KIAA0513: variants seen among roughly 807,000 people sequenced by gnomAD.
KIAA0513 encodes uncharacterized protein KIAA0513.
A neutral mutation model predicts 56.5 loss-of-function variants in KIAA0513; 39 were observed. The observed-to-expected ratio is 0.69, with a 90% CI of 0.53 to 0.90. The LOEUF is 0.90. Ranked by LOEUF, KIAA0513 falls within the 40% of genes least tolerant of loss-of-function variation. KIAA0513 has a pLI of 0.00. For missense variants in KIAA0513, 591 were observed against 535.2 expected, an observed-to-expected ratio of 1.10 and a Z score of -1.03; for synonymous variants, 268 against 215.6, an observed-to-expected ratio of 1.24 and a Z score of -2.13.
At chr16:85,054,421 C>CTTTTTTTTTTTTTTTTTTGTTTTT (rs2073299172) in intron 1 of KIAA0513, among the ~76,000 whole-genome samples, 1 of 119,552 alleles carries the variant, frequency 8.4e-6, no homozygotes, top group Non-Finnish European at 1.7e-5. Flanking sequence ...TTTTTCTTTT[C>CTTTTTTTTTTTTTTTTTTGTTTTT]TTTTTTTTTT....
At position 85,090,745 on chromosome 16, in the gene KIAA0513, G is replaced by C. The variant is rs2144124453; in HGVS notation, c.*2420G>C. 1 of 152,456 alleles carries C rather than the reference G, an allele frequency of 6.6e-6. No individual in the cohort carries two copies. Among genetic ancestry groups the C allele is most frequent in the Admixed American group, 6.5e-5 (1 of 15,312 alleles). 9.4% of individuals were successfully genotyped at this position (152,456 alleles called of 1,614,324 possible). A position where few individuals can be genotyped will look rare whatever the true frequency, so the allele number is the denominator to read the frequency against. On this transcript the variant is annotated 3_prime_UTR_variant, in exon 13 of 13. Transcript: ENST00000683363. Reference sequence around the variant, plus strand: ...GGATGCCGGAGAGACAGCCCCTTGTGCTGTGAGCAGAGCAGGCAGTGGCTC... The same window carrying C: ...GGATGCCGGAGAGACAGCCCCTTGTCCTGTGAGCAGAGCAGGCAGTGGCTC...
intron 1 of KIAA0513, among the ~76,000 whole-genome samples, chr16:85,028,823 A>G (rs1444093659): frequency 6.6e-6 from 1 of 152,142 alleles, no homozygotes; most frequent in Non-Finnish European, 1.5e-5. Flanking sequence ...GGCGCCCCTG[A>G]CGTGGAAGTA....
intron 1 of KIAA0513, among the ~76,000 whole-genome samples, chr16:85,038,400 T>C (rs1597590418): frequency 6.6e-6 from 1 of 152,184 alleles, no homozygotes; most frequent in East Asian, 1.9e-4. Flanking sequence ...TAAGGGTATC[T>C]AGCAGTATAA....
At chr16:85,048,597 AGCT>A (rs1427719211) in intron 1 of KIAA0513, among the ~76,000 whole-genome samples, 1 of 152,088 alleles carries the variant, frequency 6.6e-6, no homozygotes, top group East Asian at 1.9e-4. Flanking sequence ...GACTTTCTGA[AGCT>A]GGATGTGGTG....
intron 10 of KIAA0513, among the ~76,000 whole-genome samples, chr16:85,086,077 A>G (rs1277379265): frequency 1.4e-5 from 2 of 142,552 alleles, no homozygotes; most frequent in Non-Finnish European, 3.1e-5. Flanking sequence ...CTCTGCAGAC[A>G]GGGGACAGTG....
rs374910732 is a variant in KIAA0513, at chr16:85,077,377, G to A, written c.575-48G>A. ...CTCTGGGCCTCTGCAGTTAGCAGGC[G>A]CATACCCCAGCCTCACTGGCCTCGT... On this transcript the variant is annotated intron_variant, in intron 5 of 12. Transcript: ENST00000683363. 24 of 1,568,112 alleles carry A rather than the reference G, an allele frequency of 1.5e-5. No homozygotes were observed. The African/African-American group carries it at 2.0e-4, about 13-fold the overall frequency.
rs569175042 is a variant in KIAA0513, at chr16:85,051,658, C to G, written c.-172-15242C>G. Among the ~76,000 whole-genome samples the G allele has an allele frequency of 3.3e-4, 51 of 152,304 alleles. No homozygotes were observed. The South Asian group carries it at 0.01, about 30-fold the overall frequency. ...CGACTCTTACACATTTAAAGACCAC[C>G]ATCTTGTCTCCCATGTTACTTACCC... On this transcript the variant is annotated intron_variant, in intron 1 of 12. Coordinates refer to ENST00000683363, the MANE Select transcript of KIAA0513 (RefSeq NM_001388359.1).
Position 85,081,252 on chromosome 16 carries a change from C to T in KIAA0513, c.903-63C>T, listed in dbSNP as rs112559810. 1.8e-3 allele frequency: 2,675 copies of T among 1,460,100 alleles called. 41 individuals are homozygous for T. In the African/African-American group the frequency reaches 0.033, roughly 18 times the overall value. 90.4% of individuals were successfully genotyped at this position (1,460,100 alleles called of 1,614,324 possible). A position where few individuals can be genotyped will look rare whatever the true frequency, so the allele number is the denominator to read the frequency against. On this transcript the variant is annotated intron_variant, in intron 8 of 12. Coordinates refer to ENST00000683363, the MANE Select transcript of KIAA0513 (RefSeq NM_001388359.1). This position sits in a 1 kb window ranked among gnomAD's most constrained non-coding sequence, Gnocchi z 4.4. ...CTGCCCTTGTTTATCCCTCAAGGGG[C>T]CCACAACCCGTGTCCTCCCCGCCTC...
chr16:85,030,222 G>A (rs541124097), intron 1 of KIAA0513, among the ~76,000 whole-genome samples: 2 of 152,248 alleles, frequency 1.3e-5, no homozygotes, highest in East Asian at 1.9e-4. Context: ...TGCAAAGAGC[G>A]TCTTTTGCTT....
Position 85,067,355 on chromosome 16 carries a change from T to C in KIAA0513, c.284T>C (p.Leu95Pro). 1.2e-6 allele frequency: 2 copies of C among 1,609,162 alleles called. No homozygotes were observed. The highest frequency in any genetic ancestry group is 1.7e-6 in the Non-Finnish European group (2 of 1,179,974). The change falls in exon 2 of 13, where the codon CTC becomes CCC. Residue 95 changes from leucine (L) to proline (P), a missense_variant. Leu to Pro is a moderately conservative substitution (Grantham distance 98). Transcript: ENST00000683363. ...ESTQDEETLA[L>P]RDFMRGYVEK... ...ACCCAGGATGAAGAGACCCTGGCACTCAGGGACTTCATGCGTGGCTACGTG... is the reference window on the plus strand; with the variant it reads ...ACCCAGGATGAAGAGACCCTGGCACCCAGGGACTTCATGCGTGGCTACGTG...
At chr16:85,083,987 G>C in intron 10 of KIAA0513, among the ~76,000 whole-genome samples, 1 of 152,090 alleles carries the variant, frequency 6.6e-6, no homozygotes, top group Non-Finnish European at 1.5e-5. Flanking sequence ...CACTGTAGCG[G>C]TGTAGATGCA....
chr16:85,031,727 C>G (rs561670596), intron 1 of KIAA0513, among the ~76,000 whole-genome samples: 3 of 152,342 alleles, frequency 2.0e-5, no homozygotes, highest in African/African-American at 7.2e-5. Flanking sequence ...AGCTTCCTGT[C>G]ATTCAGGTCA....
chr16:85,031,381 G>T (rs1448145751), intron 1 of KIAA0513, among the ~76,000 whole-genome samples: 1 of 152,188 alleles, frequency 6.6e-6, no homozygotes, highest in East Asian at 1.9e-4. Flanking sequence ...CTACTAGGGA[G>T]GCTGGGGTGG....
chr16:85,074,494 G>A (rs1042620638), intron 4 of KIAA0513, among the ~76,000 whole-genome samples: 1 of 152,104 alleles, frequency 6.6e-6, no homozygotes, highest in Non-Finnish European at 1.5e-5. Context: ...GCTCTCTTGA[G>A]TCCCAGTTCT....
At chr16:85,051,217 A>C (rs1053970217) in intron 1 of KIAA0513, among the ~76,000 whole-genome samples, 1 of 152,092 alleles carries the variant, frequency 6.6e-6, no homozygotes, top group South Asian at 2.1e-4. Flanking sequence ...TTCGTGGAGA[A>C]CTTAATGCGT....
At chr16:85,079,040 C>T (rs1006732528) in intron 8 of KIAA0513, 37 bp downstream of exon 8, 2 of 1,614,002 alleles carry the variant, frequency 1.2e-6, no homozygotes, top group Non-Finnish European at 1.7e-6. Flanking sequence ...CACCCTCTTA[C>T]TGACGGGGCC....
intron 1 of KIAA0513, among the ~76,000 whole-genome samples, chr16:85,038,500 A>G (rs990393761): frequency 6.6e-6 from 1 of 152,096 alleles, no homozygotes; most frequent in Non-Finnish European, 1.5e-5. Context: ...TGAGGTCAGG[A>G]GTTCCAGACC....
At chr16:85,087,688 GC>G in intron 12 of KIAA0513, among the ~76,000 whole-genome samples, 1 of 152,316 alleles carries the variant, frequency 6.6e-6, no homozygotes, top group East Asian at 1.9e-4. Context: ...GTGTGCCCCC[GC>G]CATCTGCCAC....
At chr16:85,051,747 T>C (rs1184874329) in intron 1 of KIAA0513, among the ~76,000 whole-genome samples, 1 of 152,034 alleles carries the variant, frequency 6.6e-6, no homozygotes, top group African/African-American at 2.4e-5. Flanking sequence ...TCCCTAACGA[T>C]GCTGGCGGGG....
Sources: allele counts gnomAD v4.1 joint callset (sites outside exome capture counted in the v4.1 genomes callset), GRCh38; gene constraint gnomAD v4.1.1; non-coding constraint Gnocchi (gnomAD v3.1); transcripts MANE v1.5; gene names NCBI Gene and HGNC (gene_info 2026-07-23, HGNC 2026-07-21).